PHF20L1: variants seen among roughly 807,000 people sequenced by gnomAD.
PHF20L1 encodes PHD finger protein 20-like protein 1.
PHF20L1 carries 44 observed loss-of-function variants against 125.5 expected under a neutral mutation model. The observed-to-expected ratio is 0.35, with a 90% CI of 0.28 to 0.45. PHF20L1 has a LOEUF of 0.45. Among genes scored for constraint, PHF20L1 ranks in the 20% least tolerant of loss-of-function variants. The pLI is 1.00. For missense variants in PHF20L1, 1,012 were observed against 1,217.2 expected, an observed-to-expected ratio of 0.83 and a Z score of 2.51; for synonymous variants, 380 against 403.1, an observed-to-expected ratio of 0.94 and a Z score of 0.69.
chr8:132,805,656 A>T (rs1833603135), intron 8 of PHF20L1, among the ~76,000 whole-genome samples: 1 of 151,884 alleles, frequency 6.6e-6, no homozygotes, highest in Admixed American at 6.6e-5. Context: ...TCATGGTCAG[A>T]TTTAGGAATA....
At chr8:132,804,387 A>G (rs1274776541) in intron 7 of PHF20L1, among the ~76,000 whole-genome samples, 1 of 151,816 alleles carries the variant, frequency 6.6e-6, no homozygotes, top group East Asian at 1.9e-4. Flanking sequence ...AATATGGAAA[A>G]AGCAGTAAGT....
intron 8 of PHF20L1, among the ~76,000 whole-genome samples, chr8:132,805,283 T>C (rs1833553745): frequency 6.6e-6 from 1 of 151,912 alleles, no homozygotes; most frequent in African/African-American, 2.4e-5. Context: ...AATCTGGGCT[T>C]ATTTATTTCC....
chr8:132,787,258 G>GC (rs1363865977), intron 2 of PHF20L1, among the ~76,000 whole-genome samples: 22 of 151,964 alleles, frequency 1.4e-4, no homozygotes, highest in African/African-American at 5.3e-4. Context: ...GGATTCAGGT[G>GC]CTGGGGGGGT....
chr8:132,775,954 G>A (rs1469187148), intron 1 of PHF20L1, among the ~76,000 whole-genome samples: 2 of 152,058 alleles, frequency 1.3e-5, no homozygotes, highest in African/African-American at 4.8e-5. Flanking sequence ...TTGGCCTGGC[G>A]GTCATTCTCT....
intron 16 of PHF20L1, 67 bp downstream of exon 16, chr8:132,836,788 GTGTTTTATT>G: frequency 8.6e-7 from 1 of 1,164,712 alleles, no homozygotes; most frequent in Admixed American, 1.9e-5. Flanking sequence ...ATGCATCACG[GTGTTTTATT>G]TCTTTACTGA....
intron 2 of PHF20L1, among the ~76,000 whole-genome samples, chr8:132,780,539 C>T (rs1830309983): frequency 6.6e-6 from 1 of 152,078 alleles, no homozygotes; most frequent in South Asian, 2.1e-4. Flanking sequence ...TTCTCTTTCC[C>T]TTCTTTCATA....
chr8:132,782,755 ATTTTCTTTTTCT>A (rs997720323), intron 2 of PHF20L1, among the ~76,000 whole-genome samples: 1 of 149,800 alleles, frequency 6.7e-6, no homozygotes, highest in African/African-American at 2.5e-5. Context: ...TAACCTGCTG[ATTTTCTTTTTCT>A]TTTTCTTTTT....
At chr8:132,817,956 C>T (rs1835159389) in intron 12 of PHF20L1, 1 of 153,908 alleles carries the variant, frequency 6.5e-6, no homozygotes. Context: ...GAGCTATATG[C>T]CTGTATCTTA....
At chr8:132,786,748 G>A (rs1563782943) in intron 2 of PHF20L1, among the ~76,000 whole-genome samples, 1 of 152,014 alleles carries the variant, frequency 6.6e-6, no homozygotes, top group Non-Finnish European at 1.5e-5. Flanking sequence ...AACAATATTA[G>A]TACTTCATTT....
At chr8:132,815,616 A>G (rs1272927223) in intron 10 of PHF20L1, 1 of 151,912 alleles carries the variant, frequency 6.6e-6, no homozygotes, top group Non-Finnish European at 1.5e-5. Flanking sequence ...CAAAAAATGA[A>G]ATACATGATC....
At chr8:132,809,298 C>G (rs1248174352) in intron 8 of PHF20L1, 2 of 152,182 alleles carry the variant, frequency 1.3e-5, no homozygotes, top group African/African-American at 4.8e-5. Flanking sequence ...TCCCAAGTAA[C>G]TGGGATTACA....
intron 20 of PHF20L1, among the ~76,000 whole-genome samples, chr8:132,845,202 A>G (rs1338257276): frequency 6.6e-6 from 1 of 152,128 alleles, no homozygotes; most frequent in Non-Finnish European, 1.5e-5. Flanking sequence ...AATAAAAACT[A>G]TAGAATATAA....
chr8:132,788,934 A>T (rs1054365872), intron 2 of PHF20L1: 1 of 152,072 alleles, frequency 6.6e-6, no homozygotes, highest in Non-Finnish European at 1.5e-5. Flanking sequence ...ATACCCATAT[A>T]CATCTACACC....
At position 132,775,415 on chromosome 8, in the gene PHF20L1, C is replaced by CGGCGGCGGCGAT. The variant is rs893701696; in HGVS notation, c.-264_-253dup. On this transcript the variant is annotated 5_prime_UTR_variant, in exon 1 of 21. It adds an upstream start codon to the 5' untranslated region. Transcript: ENST00000395386. The stretch of plus-strand genomic sequence containing the variant: ...GGCTGGCCGGCGGCGGAGGCGGCGG[C>CGGCGGCGGCGAT]GGCGGCGGCGATGGCAGCGGACCCT... 1.0e-5 allele frequency: 4 copies of CGGCGGCGGCGAT among 384,266 alleles called. No homozygotes were observed. Among genetic ancestry groups the CGGCGGCGGCGAT allele is most frequent in the African/African-American group, 8.4e-5 (4 of 47,592 alleles). 23.8% of individuals were successfully genotyped at this position (384,266 alleles called of 1,614,324 possible).
chr8:132,825,492 A>C, intron 14 of PHF20L1, 121 bp downstream of exon 14: 1 of 720,018 alleles, frequency 1.4e-6, no homozygotes, highest in Non-Finnish European at 2.1e-6. Context: ...GAGAACTGAA[A>C]GGTTTCTGTA....
chr8:132,843,118 A>G (rs1215448736), intron 19 of PHF20L1: 123 of 1,202,204 alleles, frequency 1.0e-4, no homozygotes, highest in Middle Eastern at 3.3e-4. Flanking sequence ...AAAAGTTTCA[A>G]TTGTATAAGT....
chr8:132,833,373 G>C (rs769499922), intron 15 of PHF20L1, among the ~76,000 whole-genome samples: 2 of 151,960 alleles, frequency 1.3e-5, no homozygotes, highest in African/African-American at 4.8e-5. Context: ...TTTATTTTTA[G>C]AACCTTGAGG....
chr8:132,804,208 AGT>A (rs1409743734), intron 7 of PHF20L1, among the ~76,000 whole-genome samples, 176 bp downstream of exon 7: 20 of 151,908 alleles, frequency 1.3e-4, no homozygotes, highest in Non-Finnish European at 4.4e-5. Context: ...GAAACTTAAT[AGT>A]CTAGTGTGGG....
At chr8:132,795,499 G>A (rs1045900426) in intron 4 of PHF20L1, among the ~76,000 whole-genome samples, 2 of 151,994 alleles carry the variant, frequency 1.3e-5, no homozygotes, top group African/African-American at 4.8e-5. Flanking sequence ...TCATTAATTT[G>A]GAAAGTTGTG....
Sources: allele counts gnomAD v4.1 joint callset (sites outside exome capture counted in the v4.1 genomes callset), GRCh38; gene constraint gnomAD v4.1.1; transcripts MANE v1.5; gene names NCBI Gene and HGNC (gene_info 2026-07-23, HGNC 2026-07-21).